The following PALM2AKAP2 variants were observed in gnomAD, a reference collection of about 807,000 sequenced individuals.
The protein encoded by PALM2AKAP2 is PALM2 and AKAP2 fusion, also known as PALM2-AKAP2 fusion protein.
PALM2AKAP2 carries 37 observed loss-of-function variants against 71.5 expected under a neutral mutation model. The observed-to-expected ratio is 0.52, with a 90% CI of 0.40 to 0.68. The LOEUF is 0.68. Among genes scored for constraint, PALM2AKAP2 ranks in the 30% least tolerant of loss-of-function variants. The pLI is 0.00. For synonymous variants in PALM2AKAP2, 468 were observed against 478.8 expected, an observed-to-expected ratio of 0.98 and a Z score of 0.29; for missense variants, 1,224 against 1,191.8, an observed-to-expected ratio of 1.03 and a Z score of -0.40.
At chr9:109,888,213 C>G (rs1830009755) in intron 3 of PALM2AKAP2, among the ~76,000 whole-genome samples, 2 of 152,206 alleles carry the variant, frequency 1.3e-5, no homozygotes, top group Non-Finnish European at 2.9e-5. Flanking sequence ...GAAAGCCGGA[C>G]CTCAGAGCTT....
chr9:110,137,410 GA>G lies in PALM2AKAP2; in HGVS notation c.1443del (p.Lys481AsnfsTer75). 6.2e-7 allele frequency: 1 copy of G among 1,614,192 alleles called. No individual in the cohort carries two copies. Among genetic ancestry groups the G allele is most frequent in the Non-Finnish European group, 8.5e-7 (1 of 1,180,030 alleles). ...GTGGTGCCTCAGCCGCCAAGGGACA[GA>G]AATCCCCCGGTGCCCTGGAGACCCC... On this transcript the variant is annotated frameshift_variant, in exon 2 of 4. Transcript: ENST00000374525. LOFTEE classifies it high-confidence loss of function.
chr9:109,819,326 C>G (rs1346442275), intron 1 of PALM2AKAP2, among the ~76,000 whole-genome samples: 1 of 152,116 alleles, frequency 6.6e-6, no homozygotes, highest in African/African-American at 2.4e-5. Flanking sequence ...TTCGTGTAAT[C>G]CAGATGAGAA....
intron 2 of PALM2AKAP2, among the ~76,000 whole-genome samples, chr9:110,141,424 A>G (rs1836026052): frequency 6.6e-6 from 1 of 152,244 alleles, no homozygotes; most frequent in African/African-American, 2.4e-5. Flanking sequence ...TCTCTAGAAC[A>G]TTTAAAGCAG....
chr9:110,098,762 G>A (rs1166824631), intron 1 of PALM2AKAP2, among the ~76,000 whole-genome samples: 8 of 152,212 alleles, frequency 5.3e-5, no homozygotes, highest in Non-Finnish European at 8.8e-5. Context: ...AGAAAGAATC[G>A]TGACGTGACC....
At chr9:110,148,842 C>G (rs1309473055) in intron 2 of PALM2AKAP2, 1 of 152,072 alleles carries the variant, frequency 6.6e-6, no homozygotes, top group Non-Finnish European at 1.5e-5. Flanking sequence ...TAATAATCAC[C>G]CAAATCATAA....
At chr9:110,046,423 G>A (rs542403260), upstream of PALM2AKAP2, among the ~76,000 whole-genome samples, 3 of 149,420 alleles carry the variant, frequency 2.0e-5, no homozygotes, top group Non-Finnish European at 4.4e-5. Flanking sequence ...CGTTGTTTTA[G>A]TAAAGAAGCA....
At chr9:109,930,500 A>G (rs1831070952) in intron 5 of PALM2AKAP2, among the ~76,000 whole-genome samples, 1 of 152,236 alleles carries the variant, frequency 6.6e-6, no homozygotes, top group South Asian at 2.1e-4. Context: ...TGCTGGGATT[A>G]CAGGCATGAG....
chr9:109,933,780 G>T (rs1412456265), intron 6 of PALM2AKAP2, among the ~76,000 whole-genome samples: 1 of 152,204 alleles, frequency 6.6e-6, no homozygotes, highest in Non-Finnish European at 1.5e-5. Context: ...TGCATCTACT[G>T]TGGGATTACA....
At chr9:109,875,793 G>A (rs1829707788) in intron 2 of PALM2AKAP2, among the ~76,000 whole-genome samples, 1 of 152,164 alleles carries the variant, frequency 6.6e-6, no homozygotes, top group Non-Finnish European at 1.5e-5. Flanking sequence ...TGAAGTTTGG[G>A]AAACTCAGTT....
At position 110,131,696 on chromosome 9, in the gene PALM2AKAP2, C is replaced by T. The variant is rs377179905; in HGVS notation, c.157-4431C>T. Reference sequence around the variant, plus strand: ...CTGCTGACAGTGGAACTCAGGAATTCGCTCTTTTGTTATCATTGTTGTCTA... The same window carrying T: ...CTGCTGACAGTGGAACTCAGGAATTTGCTCTTTTGTTATCATTGTTGTCTA... On this transcript the variant is annotated intron_variant, in intron 1 of 3. Coordinates refer to ENST00000374525, the Ensembl canonical transcript of PALM2AKAP2. 1.7e-3 allele frequency among the ~76,000 whole-genome samples: 253 copies of T among 152,286 alleles called. 4 individuals are homozygous for T. In the South Asian group the frequency reaches 0.045, roughly 27 times the overall value.
intron 6 of PALM2AKAP2, among the ~76,000 whole-genome samples, chr9:109,952,937 C>T (rs1831672149): frequency 6.6e-6 from 1 of 152,114 alleles, no homozygotes; most frequent in Admixed American, 6.6e-5. Flanking sequence ...AAGTAGATGA[C>T]AAATGTTAGT....
chr9:109,766,233 C>T (rs114311945), intron 1 of PALM2AKAP2, among the ~76,000 whole-genome samples: 316 of 152,190 alleles, frequency 2.1e-3, no homozygotes, highest in African/African-American at 7.2e-3. Context: ...GTCAAACTGC[C>T]GAGTCAATGA....
chr9:110,157,952 C>T (rs1836500017), intron 3 of PALM2AKAP2, among the ~76,000 whole-genome samples: 1 of 152,226 alleles, frequency 6.6e-6, no homozygotes, highest in African/African-American at 2.4e-5. Flanking sequence ...ATCTCCCAGG[C>T]TTTCCCTTTT....
intron 1 of PALM2AKAP2, among the ~76,000 whole-genome samples, chr9:109,849,243 A>C (rs555746503): frequency 7.2e-4 from 110 of 152,090 alleles, no homozygotes; most frequent in Non-Finnish European, 1.4e-3. Flanking sequence ...CAAAGATCAA[A>C]TGCAGGGCCC....
At chr9:110,004,886 C>A (rs1832748845) in intron 6 of PALM2AKAP2, among the ~76,000 whole-genome samples, 1 of 152,192 alleles carries the variant, frequency 6.6e-6, no homozygotes, top group African/African-American at 2.4e-5. Flanking sequence ...CCATCAGGTC[C>A]TTTAAGGACT....
At chr9:110,102,319 G>GATGTAAT (rs1835017611) in intron 1 of PALM2AKAP2, among the ~76,000 whole-genome samples, 1 of 152,180 alleles carries the variant, frequency 6.6e-6, no homozygotes, top group South Asian at 2.1e-4. Flanking sequence ...TATTTACTGA[G>GATGTAAT]CTGTTAGATG....
exon 1 of PALM2AKAP2, chr9:109,640,802 G>T: frequency 6.7e-7 from 1 of 1,500,518 alleles, no homozygotes; most frequent in South Asian, 1.3e-5. Flanking sequence ...ACTCGGCTCC[G>T]GGAGAGGCGA....
chr9:109,909,100 A>G (rs1261204103), intron 3 of PALM2AKAP2, among the ~76,000 whole-genome samples: 1 of 151,112 alleles, frequency 6.6e-6, no homozygotes, highest in Non-Finnish European at 1.5e-5. Flanking sequence ...GGTTTTATTT[A>G]GGTGAGAATA....
exon 4 of PALM2AKAP2, chr9:109,923,823 G>A: frequency 6.3e-7 from 1 of 1,596,096 alleles, no homozygotes; most frequent in South Asian, 1.1e-5. Flanking sequence ...GAAGGAAACA[G>A]AAAAATCCTT....
Sources: gnomAD v4.1 joint callset for allele counts (sites outside exome capture counted in the v4.1 genomes callset) on GRCh38, gnomAD v4.1.1 for gene constraint, MANE v1.5 for transcripts, NCBI Gene and HGNC (gene_info 2026-07-23, HGNC 2026-07-21) for gene names.